EFNA5: variants seen among roughly 807,000 people sequenced by gnomAD.
EFNA5 encodes ephrin-A5.
A neutral mutation model predicts 22.9 loss-of-function variants in EFNA5; 5 were observed. That is an observed-to-expected ratio of 0.22 (90% CI 0.11 to 0.46). The LOEUF is 0.46. EFNA5 is among the 20% of genes least tolerant of loss of function. The pLI is 0.99. For synonymous variants in EFNA5, 113 were observed against 112.2 expected, an observed-to-expected ratio of 1.01 and a Z score of -0.04; for missense variants, 237 against 293.3, an observed-to-expected ratio of 0.81 and a Z score of 1.40.
chr5:107,608,997 C>T (rs1749773104), intron 1 of EFNA5, among the ~76,000 whole-genome samples: 1 of 152,202 alleles, frequency 6.6e-6, no homozygotes, highest in South Asian at 2.1e-4. Flanking sequence ...TGGTTGCTCT[C>T]TTCATCTACT....
At position 107,380,506 on chromosome 5, in the gene EFNA5, C is replaced by T; in HGVS notation, c.*749G>A. 1 of 297,986 alleles carries T rather than the reference C, an allele frequency of 3.4e-6. No individual in the cohort carries two copies. The highest frequency in any genetic ancestry group is 9.7e-4 in the Middle Eastern group (1 of 1,036). The allele number at this position is 297,986 out of a possible 1,614,324, so 18.5% of individuals were successfully genotyped here. ...ATTAGAGGCACTCACACATACACACCCCCAGCAAACCTGTAGTTTTCTCTG... is the reference window on the plus strand; with the variant it reads ...ATTAGAGGCACTCACACATACACACTCCCAGCAAACCTGTAGTTTTCTCTG... On this transcript the variant is annotated 3_prime_UTR_variant, in exon 5 of 5. Transcript: ENST00000333274.
At chr5:107,429,033 T>C (rs149185022) in intron 1 of EFNA5, among the ~76,000 whole-genome samples, 165 of 152,356 alleles carry the variant, frequency 1.1e-3, no homozygotes, top group African/African-American at 3.9e-3. Context: ...TCTAGATTCT[T>C]GACCCTTCTC....
chr5:107,627,913 T>G (rs1750175535), intron 1 of EFNA5, among the ~76,000 whole-genome samples: 1 of 152,114 alleles, frequency 6.6e-6, no homozygotes, highest in South Asian at 2.1e-4. Flanking sequence ...TATACGATAC[T>G]TAGTTTCAAA....
chr5:107,410,129 A>G (rs1158981195), intron 2 of EFNA5, among the ~76,000 whole-genome samples: 2 of 147,806 alleles, frequency 1.4e-5, no homozygotes, highest in Non-Finnish European at 3.0e-5. Context: ...CCGGGTTCAC[A>G]CCATTCTCCT....
At chr5:107,428,036 A>G (rs1381105108) in intron 1 of EFNA5, among the ~76,000 whole-genome samples, 1 of 152,232 alleles carries the variant, frequency 6.6e-6, no homozygotes, top group East Asian at 1.9e-4. Context: ...TGGGAGAATT[A>G]GAATCATAAC....
chr5:107,435,141 G>A lies in EFNA5; in HGVS notation c.126-7632C>T, dbSNP rs188671783. Among the ~76,000 whole-genome samples, 77 of 152,186 alleles carry A rather than the reference G, an allele frequency of 5.1e-4. No individual in the cohort carries two copies. In the East Asian group the frequency reaches 0.013, roughly 26 times the overall value. ...TATAATTTTTCATTTGTCCCAAAAG[G>A]GGCTAATGGGTCCTGCAACAGATAT... On this transcript the variant is annotated intron_variant, in intron 1 of 4. Coordinates refer to ENST00000333274, the MANE Select transcript of EFNA5 (RefSeq NM_001962.3).
chr5:107,518,028 C>A (rs1368900253), intron 1 of EFNA5, among the ~76,000 whole-genome samples: 2 of 152,086 alleles, frequency 1.3e-5, no homozygotes, highest in Non-Finnish European at 2.9e-5. Context: ...TTAATGAAGG[C>A]ACTGTAAACA....
chr5:107,554,831 A>C (rs1425117311), intron 1 of EFNA5, among the ~76,000 whole-genome samples: 5 of 152,200 alleles, frequency 3.3e-5, no homozygotes, highest in African/African-American at 1.2e-4. Flanking sequence ...TTAAAGTGCT[A>C]CTAAATGCCC....
intron 1 of EFNA5, among the ~76,000 whole-genome samples, chr5:107,447,877 T>C (rs1317015446): frequency 1.3e-5 from 2 of 152,032 alleles, no homozygotes; most frequent in South Asian, 2.1e-4. Context: ...AGATGGAGTC[T>C]GGTTCTGTTG....
At chr5:107,646,727 A>C (rs1275648467) in intron 1 of EFNA5, among the ~76,000 whole-genome samples, 2 of 152,154 alleles carry the variant, frequency 1.3e-5, no homozygotes, top group Non-Finnish European at 2.9e-5. Context: ...AAATATTTAC[A>C]TGGTGAGGGG....
chr5:107,636,545 A>G (rs1412201415), intron 1 of EFNA5, among the ~76,000 whole-genome samples: 2 of 152,226 alleles, frequency 1.3e-5, no homozygotes, highest in Non-Finnish European at 2.9e-5. Flanking sequence ...TGAAACAGAA[A>G]ATCTGAAAGA....
chr5:107,564,039 T>C (rs953273718), intron 1 of EFNA5, among the ~76,000 whole-genome samples: 1 of 152,112 alleles, frequency 6.6e-6, no homozygotes. Flanking sequence ...TCAACTACTG[T>C]GCTCTACAAG....
chr5:107,669,025 G>C (rs1005594914), intron 1 of EFNA5, among the ~76,000 whole-genome samples: 1 of 152,144 alleles, frequency 6.6e-6, no homozygotes, highest in Admixed American at 6.5e-5. Context: ...ACCTGAGTAA[G>C]ACTATCTTGG....
chr5:107,401,470 A>T (rs546591888), intron 2 of EFNA5, among the ~76,000 whole-genome samples: 2 of 152,368 alleles, frequency 1.3e-5, no homozygotes, highest in East Asian at 1.9e-4. Flanking sequence ...TAAAAAGATT[A>T]AAAAAGTCTG....
rs140590895 is a variant in EFNA5 at position 107,668,095 on chromosome 5, T to C, written c.125+2394A>G. On this transcript the variant is annotated intron_variant, in intron 1 of 4. Coordinates refer to ENST00000333274, the MANE Select transcript of EFNA5 (RefSeq NM_001962.3). The stretch of plus-strand genomic sequence containing the variant: ...AACTGTGATAACATACCAAGATAAA[T>C]GTGTCCATAAATTCCTAAGAATAAT... Among the ~76,000 whole-genome samples, 103 of 152,302 alleles carry C rather than the reference T, an allele frequency of 6.8e-4. 1 individual carries two copies. The East Asian group carries it at 0.019, about 29-fold the overall frequency.
chr5:107,454,031 C>T (rs2112449355), intron 1 of EFNA5, among the ~76,000 whole-genome samples: 1 of 152,126 alleles, frequency 6.6e-6, no homozygotes, highest in Non-Finnish European at 1.5e-5. Context: ...ACTCTTAAAA[C>T]ATTAAAGGGG....
chr5:107,378,890 AT>A lies in EFNA5; in HGVS notation c.*2364del, dbSNP rs1747349954. The A allele has an allele frequency of 6.6e-6, 1 of 152,144 alleles. No individual in the cohort carries two copies. The highest frequency in any genetic ancestry group is 1.5e-5 in the Non-Finnish European group (1 of 68,016). The allele number at this position is 152,144 out of a possible 1,614,324, so 9.4% of individuals were successfully genotyped here. The stretch of plus-strand genomic sequence containing the variant: ...AGGATCATTTGATTTCCTTGTGGTT[AT>A]AGAACATGCTGTATTATTTTGGTTC... On this transcript the variant is annotated 3_prime_UTR_variant, in exon 5 of 5. Transcript: ENST00000333274.
chr5:107,435,956 C>T (rs1405463817), intron 1 of EFNA5, among the ~76,000 whole-genome samples: 3 of 152,168 alleles, frequency 2.0e-5, no homozygotes, highest in Non-Finnish European at 4.4e-5. Flanking sequence ...ATTTAGAATT[C>T]ATCAGCAGTT....
intron 1 of EFNA5, among the ~76,000 whole-genome samples, chr5:107,458,743 A>C (rs985337673): frequency 2.6e-5 from 4 of 152,292 alleles, no homozygotes; most frequent in African/African-American, 9.6e-5. Context: ...TCACAACACC[A>C]TTTAAAACAA....
Sources: gnomAD v4.1 joint callset for allele counts (sites outside exome capture counted in the v4.1 genomes callset) on GRCh38, gnomAD v4.1.1 for gene constraint, MANE v1.5 for transcripts, NCBI Gene and HGNC (gene_info 2026-07-23, HGNC 2026-07-21) for gene names.